RAET1E: variants seen among roughly 807,000 people sequenced by gnomAD.
RAET1E encodes NKG2D ligand 4.
In RAET1E, 27 loss-of-function variants were observed where a neutral mutation model predicts 21.1. The observed-to-expected ratio is 1.28, with a 90% confidence interval of 0.94 to 1.76. The LOEUF (loss-of-function observed/expected upper bound fraction) is 1.76, where lower values mean the gene tolerates loss of function less well. Ranked by LOEUF, RAET1E falls within the 40% of genes most tolerant of loss-of-function variation. RAET1E has a pLI of 0.00. For missense variants in RAET1E, 310 were observed against 311.3 expected (o/e 1.00, Z 0.03); for synonymous variants, 113 against 115.0 (o/e 0.98, Z 0.11).
At chr6:149,889,010 T>A in intron 5 of RAET1E, 1 of 1,129,946 alleles carries the variant, frequency 8.8e-7, no homozygotes, top group Non-Finnish European at 1.2e-6. Flanking sequence ...TCCTAAGAAG[T>A]GGCATTAGAG....
chr6:149,895,544 G>A (rs1778083368), intron 2 of RAET1E: 1 of 152,220 alleles, frequency 6.6e-6, no homozygotes, highest in African/African-American at 2.4e-5. Context: ...TTCCAGATGA[G>A]TTTTGTAATA....
intron 2 of RAET1E, among the ~76,000 whole-genome samples, chr6:149,891,527 G>C (rs1286977058): frequency 6.8e-6 from 1 of 146,478 alleles, no homozygotes; most frequent in Non-Finnish European, 1.5e-5. Flanking sequence ...AACATATTGA[G>C]TCACTCAATA....
At chr6:149,889,795 A>G in intron 4 of RAET1E, 90 bp downstream of exon 4, 3 of 1,525,974 alleles carry the variant, frequency 2.0e-6, no homozygotes, top group Admixed American at 3.6e-5. Flanking sequence ...TGATCAATAC[A>G]CAGATATACC....
In RAET1E at chr6:149,889,979, G is replaced by T; in HGVS notation, c.252C>A (p.Thr84=). Residue 84 remains threonine (T), a synonymous_variant, in exon 4 of 6, where the codon ACC becomes ACA. Transcript: ENST00000357183. ...LGLLGKKVYA[T]STWGELTQTL... ...TTTGGGTCAATTCTCCCCAAGTGCTGGTGGCATATACCTTCTTCCCCAGGA... is the reference window on the plus strand; with the variant it reads ...TTTGGGTCAATTCTCCCCAAGTGCTTGTGGCATATACCTTCTTCCCCAGGA... 1 of 1,614,066 alleles carries T rather than the reference G, an allele frequency of 6.2e-7. No homozygotes were observed. The highest frequency in any genetic ancestry group is 1.1e-5 in the South Asian group (1 of 91,078).
Position 149,886,456 on chromosome 6 carries a change from G to A in RAET1E, c.*2042C>T, listed in dbSNP as rs9383916. ...GTCACCCAGGCTGGAGTGCAATGGC[G>A]CAATATCAGCTCACTGCAAACTCCG... On this transcript the variant is annotated 3_prime_UTR_variant, in exon 6 of 6. Transcript: ENST00000357183. Among the ~76,000 whole-genome samples the A allele has an allele frequency of 0.14, 21,712 of 152,164 alleles. 2,165 individuals are homozygous for A. Among genetic ancestry groups the A allele is most frequent in the East Asian group, 0.55 (2,866 of 5,166 alleles).
In RAET1E at chr6:149,896,013, C is replaced by T. The variant is rs1449724708; in HGVS notation, c.-301G>A. On this transcript the variant is annotated 5_prime_UTR_variant, in exon 2 of 6. The change creates a new upstream start codon in the 5' untranslated region. Coordinates refer to ENST00000357183, the MANE Select transcript of RAET1E (RefSeq NM_001394057.1). ...CACTTCTTAATCCCACATGGCTCCA[C>T]TCACATGAGTTATGACTTCCTAAAT... The T allele has an allele frequency of 2.6e-5, 4 of 152,240 alleles. No individual in the cohort carries two copies. Among genetic ancestry groups the T allele is most frequent in the Non-Finnish European group, 4.4e-5 (3 of 68,050 alleles). 9.4% of individuals were successfully genotyped at this position (152,240 alleles called of 1,614,324 possible).
At position 149,887,473 on chromosome 6, in the gene RAET1E, C is replaced by G. The variant is rs577446058; in HGVS notation, c.*1025G>C. On this transcript the variant is annotated 3_prime_UTR_variant, in exon 6 of 6. Coordinates refer to ENST00000357183, the MANE Select transcript of RAET1E (RefSeq NM_001394057.1). ...CTGGACCAGTGGCCCTTATCTGACTCAAGCCATATCTTGCCAAGCCTGTTG... is the reference window on the plus strand; with the variant it reads ...CTGGACCAGTGGCCCTTATCTGACTGAAGCCATATCTTGCCAAGCCTGTTG... Among the ~76,000 whole-genome samples, 5 of 152,056 alleles carry G rather than the reference C, an allele frequency of 3.3e-5. No homozygotes were observed. Among genetic ancestry groups the G allele is most frequent in the African/African-American group, 4.8e-5 (2 of 41,446 alleles).
At chr6:149,896,644 T>TTG (rs56944213) in intron 1 of RAET1E, among the ~76,000 whole-genome samples, 26,095 of 148,396 alleles carry the variant, frequency 0.18, 2,675 homozygotes, top group East Asian at 0.54. Flanking sequence ...ATGTGTGTGT[T>TTG]TGTGTGTGTG....
rs763355526 is a variant in RAET1E, at chr6:149,889,338, G to C, written c.622+10C>G. On this transcript the variant is annotated intron_variant, in intron 5 of 5. Transcript: ENST00000357183. ...GGGAGCTGCCACATTCTCCCACCCA[G>C]CTCAGTTACCTGTCGGTTCTGGCAT... The C allele has an allele frequency of 1.5e-5, 24 of 1,613,642 alleles. No homozygotes were observed. The highest frequency in any genetic ancestry group is 2.2e-5 in the East Asian group (1 of 44,882).
chr6:149,888,426 T>C lies in RAET1E; in HGVS notation c.*72A>G. The C allele has an allele frequency of 5.8e-6, 9 of 1,561,082 alleles. No homozygotes were observed. Among genetic ancestry groups the C allele is most frequent in the Non-Finnish European group, 7.8e-6 (9 of 1,146,514 alleles). On this transcript the variant is annotated 3_prime_UTR_variant, in exon 6 of 6. Transcript: ENST00000357183. ...AGACTAAGGCAGTGCACCATTTCTG[T>C]GGAGAGAGATGGATCAGGGAGCGGG...
chr6:149,896,644 T>TTGTG lies in RAET1E; in HGVS notation c.-320-616_-320-613dup, dbSNP rs56944213. ...CCAAGAACAGAGTGTATGTGTGTGT[T>TTGTG]TGTGTGTGTGTGTGTGTGTGTGCAT... is the stretch of plus-strand genomic sequence containing the variant. On this transcript the variant is annotated intron_variant, in intron 1 of 5. Transcript: ENST00000357183. Among the ~76,000 whole-genome samples, 1,384 of 148,766 alleles carry TTGTG rather than the reference T, an allele frequency of 9.3e-3. 18 individuals are homozygous for TTGTG. The highest frequency in any genetic ancestry group is 0.029 in the African/African-American group (1,185 of 40,738).
Position 149,890,824 on chromosome 6 carries a change from G to T in RAET1E, c.78C>A (p.Ile26=). ...FLLLLLIALE[I]MVGGHSLCFN... is the part of the protein sequence containing the mutation. ...TGTGCTCAGGACACTCACCAACCAT[G>T]ATCTCCAAGGCTATTAGTAGCAACA... is the stretch of plus-strand genomic sequence containing the variant. Residue 26 remains isoleucine (I), a synonymous_variant, in exon 3 of 6, where the codon ATC becomes ATA. Transcript: ENST00000357183. The T allele has an allele frequency of 6.2e-7, 1 of 1,611,432 alleles. No individual in the cohort carries two copies. Among genetic ancestry groups the T allele is most frequent in the Non-Finnish European group, 8.5e-7 (1 of 1,177,750 alleles).
rs1486403716 is a variant in RAET1E, at chr6:149,888,121, G to A, written c.*377C>T. On this transcript the variant is annotated 3_prime_UTR_variant, in exon 6 of 6. Transcript: ENST00000357183. ...TTATACCACATCTTGTATGTTATCT[G>A]GGAGTAAATGCTGCAGCCACAAGCG... 1 of 501,376 alleles carries A rather than the reference G, an allele frequency of 2.0e-6. No homozygotes were observed. Among genetic ancestry groups the A allele is most frequent in the East Asian group, 5.9e-5 (1 of 16,962 alleles). The allele number at this position is 501,376 out of a possible 1,614,324, so 31.1% of individuals were successfully genotyped here. A position where few individuals can be genotyped will look rare whatever the true frequency, so the allele number is the denominator to read the frequency against.
At position 149,890,053 on chromosome 6, in the gene RAET1E, G is replaced by T. The variant is rs149529086; in HGVS notation, c.178C>A (p.Leu60Ile). The change falls in exon 4 of 6, where the codon CTT becomes ATT. Residue 60 changes from leucine (L) to isoleucine (I), a missense_variant. Coordinates refer to ENST00000357183, the MANE Select transcript of RAET1E (RefSeq NM_001394057.1). ...TTGTCACTGTTGTACTGAAGGAAAA[G>T]ATTTTTATTCAAGAAGACCTGCGCT... ...CEAQVFLNKN[L>I]FLQYNSDNNM... The T allele has an allele frequency of 5.5e-4, 885 of 1,614,134 alleles. 5 individuals carry two copies. Among genetic ancestry groups the T allele is most frequent in the East Asian group, 5.1e-4 (23 of 44,874 alleles).
rs1777652743 is a variant in RAET1E, at chr6:149,887,323, C to T, written c.*1175G>A. 6.6e-6 allele frequency among the ~76,000 whole-genome samples: 1 copy of T among 152,198 alleles called. No individual in the cohort carries two copies. Among genetic ancestry groups the T allele is most frequent in the African/African-American group, 2.4e-5 (1 of 41,444 alleles). The stretch of plus-strand genomic sequence containing the variant: ...GGGCAGTTAAGTCCTTCTCAGTCAC[C>T]TTCCACCAGGGATTAAGGTGGGACC... On this transcript the variant is annotated 3_prime_UTR_variant, in exon 6 of 6. Coordinates refer to ENST00000357183, the MANE Select transcript of RAET1E (RefSeq NM_001394057.1).
rs145598335 is a variant in RAET1E at position 149,888,168 on chromosome 6, G to A, written c.*330C>T. On this transcript the variant is annotated 3_prime_UTR_variant, in exon 6 of 6. Transcript: ENST00000357183. Reference sequence around the variant, plus strand: ...AGCGCCACCAGCAAGTCTTCTCAGGGTGAACGGGAAAAGGGGATGGGACCT... The same window carrying A: ...AGCGCCACCAGCAAGTCTTCTCAGGATGAACGGGAAAAGGGGATGGGACCT... The A allele has an allele frequency of 4.5e-4, 260 of 574,846 alleles. No individual in the cohort carries two copies. Among genetic ancestry groups the A allele is most frequent in the African/African-American group, 4.3e-3 (236 of 54,484 alleles). The allele number at this position is 574,846 out of a possible 1,614,324, so 35.6% of individuals were successfully genotyped here.
intron 1 of RAET1E, 129 bp downstream of exon 1, chr6:149,897,892 C>T (rs1478924704): frequency 6.6e-6 from 1 of 152,068 alleles, no homozygotes; most frequent in African/African-American, 2.4e-5. Context: ...CCCCCAACCC[C>T]ACTTTTACTT....
rs3036672 is a variant in RAET1E at position 149,888,669 on chromosome 6, TAAA to T, written c.623-5_623-3del. ...TATCTGAAGCATTTACTGGTGACAC[TAAA>T]AAAAAAAAAAAAAAGAAAAAAAAGC... On this transcript the variant is annotated splice_polypyrimidine_tract_variant and splice_region_variant and intron_variant, in intron 5 of 5. Transcript: ENST00000357183. 4,224 of 1,322,226 alleles carry T rather than the reference TAAA, an allele frequency of 3.2e-3. No individual in the cohort carries two copies. Among genetic ancestry groups the T allele is most frequent in the Admixed American group, 6.9e-3 (181 of 26,398 alleles). 81.9% of individuals were successfully genotyped at this position (1,322,226 alleles called of 1,614,324 possible).
chr6:149,890,143 C>G lies in RAET1E; in HGVS notation c.88G>C (p.Gly30Arg). 1 of 1,613,938 alleles carries G rather than the reference C, an allele frequency of 6.2e-7. No homozygotes were observed. The highest frequency in any genetic ancestry group is 8.5e-7 in the Non-Finnish European group (1 of 1,179,918). The change falls in exon 4 of 6, where the codon GGT becomes CGT. Residue 30 changes from glycine to arginine, a missense_variant and splice_region_variant. By Grantham distance (125) the Gly-to-Arg change is moderately radical (BLOSUM62 -2). Transcript: ENST00000357183. ...LLIALEIMVG[G>R]HSLCFNFTIK... ...GTGAAGTTGAAGCAAAGAGAGTGAC[C>G]ACCTGTGAGACAAAGATGCAGGTGA... is the stretch of plus-strand genomic sequence containing the variant.
Sources: allele counts gnomAD v4.1 joint callset (sites outside exome capture counted in the v4.1 genomes callset), GRCh38; gene constraint gnomAD v4.1.1; transcripts MANE v1.5; gene names NCBI Gene and HGNC (gene_info 2026-07-23, HGNC 2026-07-21).